LRRC8D: variants seen among roughly 807,000 people sequenced by gnomAD.
The protein encoded by LRRC8D is volume-regulated anion channel subunit LRRC8D.
In LRRC8D, 20 loss-of-function variants were observed where a neutral mutation model predicts 55.8. The observed-to-expected ratio is 0.36, with a 90% confidence interval of 0.25 to 0.52. The LOEUF (loss-of-function observed/expected upper bound fraction) is 0.52. LRRC8D is among the 20% of genes least tolerant of loss of function. The pLI is 0.93. For missense variants in LRRC8D, 651 were observed against 1,030.8 expected (o/e 0.63, Z 5.05); for synonymous variants, 352 against 377.0 (o/e 0.93, Z 0.77).
intron 2 of LRRC8D, among the ~76,000 whole-genome samples, chr1:89,893,378 C>T (rs142893033): frequency 6.6e-6 from 1 of 152,088 alleles, no homozygotes; most frequent in African/African-American, 2.4e-5. Context: ...GAAAAATATT[C>T]GTTATCACTT....
chr1:89,863,943 A>T (rs1430059151), intron 2 of LRRC8D, among the ~76,000 whole-genome samples: 1 of 152,320 alleles, frequency 6.6e-6, no homozygotes, highest in East Asian at 1.9e-4. Flanking sequence ...TGCCAGGTGC[A>T]TTGGTCACTT....
chr1:89,896,331 G>C (rs544144946), intron 2 of LRRC8D, among the ~76,000 whole-genome samples: 5 of 152,130 alleles, frequency 3.3e-5, no homozygotes, highest in Non-Finnish European at 5.9e-5. Flanking sequence ...CTTAGAGATC[G>C]TGTCGTCTGA....
At chr1:89,896,231 A>G (rs1208519609) in intron 2 of LRRC8D, among the ~76,000 whole-genome samples, 1 of 152,116 alleles carries the variant, frequency 6.6e-6, no homozygotes, top group East Asian at 1.9e-4. Flanking sequence ...GTGGGAGGGT[A>G]GAGGGGTGGA....
intron 2 of LRRC8D, among the ~76,000 whole-genome samples, chr1:89,927,399 C>G (rs987501213): frequency 6.6e-6 from 1 of 152,188 alleles, no homozygotes; most frequent in South Asian, 2.1e-4. Flanking sequence ...TTGTTGCTGC[C>G]TAGTATTCTA....
intron 1 of LRRC8D, among the ~76,000 whole-genome samples, chr1:89,821,516 T>C (rs1189028628): frequency 6.6e-6 from 1 of 152,078 alleles, no homozygotes; most frequent in Non-Finnish European, 1.5e-5. Context: ...TTGTTCCGCT[T>C]TCTGCAGTCT....
intron 1 of LRRC8D, among the ~76,000 whole-genome samples, chr1:89,829,614 T>A (rs1459385370): frequency 1.3e-5 from 2 of 152,196 alleles, no homozygotes; most frequent in East Asian, 3.8e-4. Flanking sequence ...AAAAAGAGAA[T>A]CAGGTTTTGA....
chr1:89,911,737 C>G lies in LRRC8D; in HGVS notation c.-2-21330C>G, dbSNP rs1019582595. ...ACCGAAAGTGCTCAGGCCAAAGTGT[C>G]AGGTGACTCTCAGCTGCCAGATCCA... On this transcript the variant is annotated intron_variant, in intron 2 of 2. Coordinates refer to ENST00000337338, the MANE Select transcript of LRRC8D (RefSeq NM_001134479.2). This position sits in a 1 kb window ranked among gnomAD's most constrained non-coding sequence, Gnocchi z 4.0. 6.6e-6 allele frequency among the ~76,000 whole-genome samples: 1 copy of G among 152,206 alleles called. No homozygotes were observed. Among genetic ancestry groups the G allele is most frequent in the African/African-American group, 2.4e-5 (1 of 41,458 alleles).
At chr1:89,862,000 T>C (rs1208638887) in intron 2 of LRRC8D, among the ~76,000 whole-genome samples, 4 of 152,334 alleles carry the variant, frequency 2.6e-5, no homozygotes, top group South Asian at 2.1e-4. Context: ...AAAACAGTTA[T>C]TGATTACAAA....
chr1:89,924,736 T>C (rs941594922), intron 2 of LRRC8D, among the ~76,000 whole-genome samples: 1 of 152,044 alleles, frequency 6.6e-6, no homozygotes, highest in Non-Finnish European at 1.5e-5. Flanking sequence ...TATGCAACCA[T>C]AGAAAAGAAT....
At chr1:89,857,740 T>C in intron 2 of LRRC8D, among the ~76,000 whole-genome samples, 1 of 152,212 alleles carries the variant, frequency 6.6e-6, no homozygotes, top group Non-Finnish European at 1.5e-5. Flanking sequence ...GCCTACACAA[T>C]GAAAATTGAA....
intron 2 of LRRC8D, among the ~76,000 whole-genome samples, chr1:89,864,694 A>C: frequency 6.6e-6 from 1 of 151,842 alleles, no homozygotes; most frequent in East Asian, 1.9e-4. Flanking sequence ...TATCCTTGGA[A>C]CTCCTTAATA....
At chr1:89,901,641 G>A (rs1489094869) in intron 2 of LRRC8D, among the ~76,000 whole-genome samples, 1 of 152,176 alleles carries the variant, frequency 6.6e-6, no homozygotes, top group East Asian at 1.9e-4. Flanking sequence ...TAGATTACCA[G>A]ATACGCAGAC....
At chr1:89,926,124 A>T (rs1176159196) in intron 2 of LRRC8D, among the ~76,000 whole-genome samples, 1 of 152,312 alleles carries the variant, frequency 6.6e-6, no homozygotes, top group African/African-American at 2.4e-5. Flanking sequence ...CTCAGCTCAA[A>T]ACCACACCTC....
At chr1:89,908,056 C>T (rs1457458077) in intron 2 of LRRC8D, among the ~76,000 whole-genome samples, 1 of 152,148 alleles carries the variant, frequency 6.6e-6, no homozygotes, top group Non-Finnish European at 1.5e-5. Flanking sequence ...ACAACTTTCC[C>T]ATTATGTTCC....
intron 2 of LRRC8D, among the ~76,000 whole-genome samples, chr1:89,893,386 C>T (rs1027241771): frequency 6.6e-6 from 1 of 152,150 alleles, no homozygotes; most frequent in Non-Finnish European, 1.5e-5. Context: ...TTCGTTATCA[C>T]TTTTTTCCTA....
At chr1:89,877,126 A>G (rs141579033) in intron 2 of LRRC8D, among the ~76,000 whole-genome samples, 3 of 152,256 alleles carry the variant, frequency 2.0e-5, no homozygotes, top group Non-Finnish European at 2.9e-5. Flanking sequence ...GTCAAATATG[A>G]CAAGGGTCTG....
chr1:89,923,787 C>G (rs751354058), intron 2 of LRRC8D, among the ~76,000 whole-genome samples: 1 of 152,166 alleles, frequency 6.6e-6, no homozygotes, highest in Non-Finnish European at 1.5e-5. Flanking sequence ...CATACAACCA[C>G]CTGATCTTTG....
intron 1 of LRRC8D, among the ~76,000 whole-genome samples, chr1:89,834,521 C>T (rs551255133): frequency 9.8e-5 from 15 of 152,354 alleles, no homozygotes; most frequent in East Asian, 3.9e-4. Context: ...AGCTAAACTT[C>T]GACCTAGGTC....
At chr1:89,829,733 A>G (rs1660845252) in intron 1 of LRRC8D, among the ~76,000 whole-genome samples, 3 of 152,208 alleles carry the variant, frequency 2.0e-5, no homozygotes, top group Admixed American at 1.3e-4. Flanking sequence ...TTGTCACCCC[A>G]AGTTGGTCTT....
Sources: allele counts gnomAD v4.1 joint callset (sites outside exome capture counted in the v4.1 genomes callset), GRCh38; gene constraint gnomAD v4.1.1; non-coding constraint Gnocchi (gnomAD v3.1); transcripts MANE v1.5; gene names NCBI Gene and HGNC (gene_info 2026-07-23, HGNC 2026-07-21).